The following ATG13 variants were observed in gnomAD, a reference collection of about 807,000 sequenced individuals.
The protein encoded by ATG13 is autophagy related 13.
Under a neutral mutation model 65.5 loss-of-function variants are expected in ATG13, and 23 were observed. That is an observed-to-expected ratio of 0.35 (90% CI 0.25 to 0.50). The LOEUF is 0.50. Among genes scored for constraint, ATG13 ranks in the 20% least tolerant of loss-of-function variants. The pLI is 0.98. For synonymous variants in ATG13, 252 were observed against 245.2 expected, an observed-to-expected ratio of 1.03 and a Z score of -0.26; for missense variants, 566 against 677.0, an observed-to-expected ratio of 0.84 and a Z score of 1.82.
chr11:46,626,660 A>T (rs1280652998), intron 1 of ATG13, among the ~76,000 whole-genome samples: 1 of 152,206 alleles, frequency 6.6e-6, no homozygotes, highest in Admixed American at 6.5e-5. Context: ...CTGTGTTCCC[A>T]TAGATTGTGT....
chr11:46,649,047 A>G (rs1297063124), intron 5 of ATG13, 90 bp from the exon 6 acceptor site: 2 of 1,123,624 alleles, frequency 1.8e-6, no homozygotes, highest in Admixed American at 5.3e-5. Context: ...TTTTTTGCTT[A>G]TCTATACCTT....
At chr11:46,665,360 T>C in intron 13 of ATG13, 23 bp from the exon 14 acceptor site, 1 of 1,610,642 alleles carries the variant, frequency 6.2e-7, no homozygotes, top group Non-Finnish European at 8.5e-7. Flanking sequence ...TGATTCACTG[T>C]CTCTTTCCAT....
At chr11:46,627,861 T>G (rs2050258892) in intron 1 of ATG13, among the ~76,000 whole-genome samples, 1 of 151,638 alleles carries the variant, frequency 6.6e-6, no homozygotes, top group African/African-American at 2.4e-5. Flanking sequence ...GACGGGAGGA[T>G]TGCTTGAGCC....
chr11:46,631,633 G>C (rs1353385280), intron 2 of ATG13, among the ~76,000 whole-genome samples: 2 of 152,184 alleles, frequency 1.3e-5, no homozygotes, highest in Non-Finnish European at 2.9e-5. Flanking sequence ...GGAGGCTGAG[G>C]TGAGAGGATC....
intron 1 of ATG13, among the ~76,000 whole-genome samples, chr11:46,624,055 A>C (rs2048628386): frequency 6.8e-6 from 1 of 148,132 alleles, no homozygotes; most frequent in Admixed American, 6.8e-5. Context: ...CCCAGGCTGG[A>C]GTACAGTGGC....
At chr11:46,640,606 C>T (rs1306782359) in intron 2 of ATG13, among the ~76,000 whole-genome samples, 2 of 152,100 alleles carry the variant, frequency 1.3e-5, no homozygotes, top group Non-Finnish European at 2.9e-5. Context: ...ATTGAGGCTG[C>T]GATCGTGCCA....
intron 2 of ATG13, among the ~76,000 whole-genome samples, chr11:46,641,330 A>G (rs2055919655): frequency 6.6e-6 from 1 of 152,192 alleles, no homozygotes; most frequent in Admixed American, 6.5e-5. Context: ...TCGGCCTCCC[A>G]AAGTGGTGGG....
chr11:46,641,260 C>CG (rs1174146122), intron 2 of ATG13, among the ~76,000 whole-genome samples: 1 of 152,110 alleles, frequency 6.6e-6, no homozygotes, highest in Non-Finnish European at 1.5e-5. Flanking sequence ...TTAGTAGAGA[C>CG]GGGGTTTCAC....
At chr11:46,647,363 C>T (rs1469926951) in intron 5 of ATG13, among the ~76,000 whole-genome samples, 14 of 150,602 alleles carry the variant, frequency 9.3e-5, no homozygotes, top group African/African-American at 2.5e-4. Flanking sequence ...CTGCAACCTC[C>T]GCCTCCCAGG....
In ATG13 at chr11:46,673,008, T is replaced by C. The variant is rs115971570; in HGVS notation, c.*676T>C. 5.0e-3 allele frequency: 1,145 copies of C among 228,032 alleles called. 21 individuals are homozygous for C. The highest frequency in any genetic ancestry group is 0.025 in the African/African-American group (1,086 of 43,838). 14.1% of individuals were successfully genotyped at this position (228,032 alleles called of 1,614,324 possible). A position where few individuals can be genotyped will look rare whatever the true frequency, so the allele number is the denominator to read the frequency against. Reference sequence around the variant, plus strand: ...GGCTGCCTGTGCTCAGGTCCTCAGCTCCATGGGAAATAAAAATGGCACCCT... The same window carrying C: ...GGCTGCCTGTGCTCAGGTCCTCAGCCCCATGGGAAATAAAAATGGCACCCT... On this transcript the variant is annotated 3_prime_UTR_variant, in exon 19 of 19. Transcript: ENST00000683050.
chr11:46,653,417 G>A (rs192011650), intron 7 of ATG13, among the ~76,000 whole-genome samples: 12 of 151,472 alleles, frequency 7.9e-5, no homozygotes, highest in African/African-American at 2.9e-4. Context: ...CAATTGATCC[G>A]CCCACCTCGG....
At chr11:46,645,588 C>A (rs2057321587) in intron 4 of ATG13, among the ~76,000 whole-genome samples, 169 bp downstream of exon 4, 1 of 152,100 alleles carries the variant, frequency 6.6e-6, no homozygotes, top group Non-Finnish European at 1.5e-5. Flanking sequence ...GTATGTTAAT[C>A]CTGAATTTAT....
chr11:46,665,084 C>G (rs756145511), intron 13 of ATG13, 125 bp downstream of exon 13: 2 of 1,032,698 alleles, frequency 1.9e-6, no homozygotes, highest in Non-Finnish European at 2.8e-6. Flanking sequence ...AAAACTCTTT[C>G]GTGACTTCAG....
At chr11:46,641,067 C>T (rs1338155486) in intron 2 of ATG13, among the ~76,000 whole-genome samples, 1 of 152,140 alleles carries the variant, frequency 6.6e-6, no homozygotes, top group Non-Finnish European at 1.5e-5. Context: ...TGTTTATCAT[C>T]AGTAGAATTT....
At chr11:46,656,140 G>A (rs2060006968) in intron 7 of ATG13, 93 bp from the exon 8 acceptor site, 1 of 1,115,530 alleles carries the variant, frequency 9.0e-7, no homozygotes, top group African/African-American at 1.6e-5. Context: ...GAGTAAGGAA[G>A]GCTTTGTTTT....
intron 5 of ATG13, chr11:46,648,777 TAAAA>T (rs540301936): frequency 3.5e-4 from 42 of 118,836 alleles, no homozygotes; most frequent in Non-Finnish European, 5.3e-4. Flanking sequence ...ACTCTGTCTT[TAAAA>T]AAAAAAAAAA....
chr11:46,621,307 C>A (rs2047432098), intron 1 of ATG13: 1 of 152,178 alleles, frequency 6.6e-6, no homozygotes, highest in African/African-American at 2.4e-5. Context: ...GCCACCGCGC[C>A]CAGCCATATT....
intron 8 of ATG13, 111 bp downstream of exon 8, chr11:46,656,384 A>G: frequency 8.9e-7 from 1 of 1,119,004 alleles, no homozygotes; most frequent in Non-Finnish European, 1.3e-6. Flanking sequence ...AATATGCATA[A>G]TACAAGTAAA....
chr11:46,668,838 C>A lies in ATG13; in HGVS notation c.1374C>A (p.Gly458=). ...CAGAGACTGAATCTCCTCTCCAGGGCAGCCTGCACTCAGATGGCTCCAGCG... is the reference window on the plus strand; with the variant it reads ...CAGAGACTGAATCTCCTCTCCAGGGAAGCCTGCACTCAGATGGCTCCAGCG... The part of the protein sequence containing the change: ...DSPETESPLQ[G]SLHSDGSSGG... Residue 458 remains glycine, a synonymous_variant, in exon 17 of 19, where the codon GGC becomes GGA. Transcript: ENST00000683050. 1 of 1,613,978 alleles carries A rather than the reference C, an allele frequency of 6.2e-7. No homozygotes were observed. Among genetic ancestry groups the A allele is most frequent in the Non-Finnish European group, 8.5e-7 (1 of 1,180,000 alleles).
Sources: gnomAD v4.1 joint callset for allele counts (sites outside exome capture counted in the v4.1 genomes callset) on GRCh38, gnomAD v4.1.1 for gene constraint, MANE v1.5 for transcripts, NCBI Gene and HGNC (gene_info 2026-07-23, HGNC 2026-07-21) for gene names.